PGM3: variants seen among roughly 807,000 people sequenced by gnomAD.
PGM3 encodes the protein phosphoglucomutase 3.
In PGM3, 40 loss-of-function variants were observed where a neutral mutation model predicts 66.2. The observed-to-expected ratio is 0.60, with a 90% CI of 0.47 to 0.79. The LOEUF (loss-of-function observed/expected upper bound fraction) is 0.79. Among genes scored for constraint, PGM3 ranks in the 30% least tolerant of loss-of-function variants. The pLI is 0.00. For synonymous variants in PGM3, 191 were observed against 224.2 expected (o/e 0.85, Z 1.32); for missense variants, 537 against 643.4 (o/e 0.83, Z 1.79).
chr6:83,155,983 A>T, the PGM3 span: 13 of 1,613,942 alleles, frequency 8.1e-6, no homozygotes, highest in Non-Finnish European at 1.1e-5. Context: ...CAGTTCACTT[A>T]ATCTCTTTGC....
chr6:83,157,104 A>C (rs1034459087), downstream of PGM3: 2 of 1,388,056 alleles, frequency 1.4e-6, no homozygotes. Context: ...ATAGTTTGAG[A>C]GTACTGGACC....
chr6:83,164,562 G>A (rs1414760333), downstream of PGM3: 8 of 1,117,000 alleles, frequency 7.2e-6, no homozygotes, highest in Non-Finnish European at 1.1e-5. Context: ...TTGATTGAAA[G>A]GCATCTTCCC....
intron 11 of PGM3, 197 bp from the exon 12 acceptor site, chr6:83,170,675 G>C: frequency 1.9e-6 from 1 of 513,992 alleles, no homozygotes; most frequent in Non-Finnish European, 3.4e-6. Context: ...AATTACCTTT[G>C]GCAAAAAATA....
At position 83,170,455 on chromosome 6, in the gene PGM3, G is replaced by A. The variant is rs1786868061; in HGVS notation, c.1389C>T (p.Ser463=). Reference sequence around the variant, plus strand: ...CTGCTTGTCTTTCAGCATCGGTAGTGCTAATAACTCTCCTGTCTGCAACCT... The same window carrying A: ...CTGCTTGTCTTTCAGCATCGGTAGTACTAATAACTCTCCTGTCTGCAACCT... ...KVQVADRRVI[S]TTDAERQAVT... Residue 463 remains serine, a synonymous_variant, in exon 12 of 13, where the codon AGC becomes AGT. Transcript: ENST00000513973. 2 of 1,613,966 alleles carry A rather than the reference G, an allele frequency of 1.2e-6. No individual in the cohort carries two copies. The highest frequency in any genetic ancestry group is 1.7e-6 in the Non-Finnish European group (2 of 1,179,892).
chr6:83,162,219 ACT>A (rs1274986459), downstream of PGM3, among the ~76,000 whole-genome samples: 1 of 151,890 alleles, frequency 6.6e-6, no homozygotes, highest in Non-Finnish European at 1.5e-5. Context: ...GCCCATTTAT[ACT>A]GTTTGAATTT....
chr6:83,175,081 T>C (rs1220675900), intron 9 of PGM3, among the ~76,000 whole-genome samples: 1 of 152,218 alleles, frequency 6.6e-6, no homozygotes, highest in East Asian at 1.9e-4. Flanking sequence ...ATTAGCATAC[T>C]ATGCTCAACT....
chr6:83,167,877 G>A lies in PGM3; in HGVS notation c.*1357C>T. 6.2e-7 allele frequency: 1 copy of A among 1,608,008 alleles called. No individual in the cohort carries two copies. Among genetic ancestry groups the A allele is most frequent in the Non-Finnish European group, 8.5e-7 (1 of 1,176,124 alleles). On this transcript the variant is annotated 3_prime_UTR_variant, in exon 13 of 13. Transcript: ENST00000513973. ...TTTTCTGCAGAAAAATCCAGAGGAA[G>A]ACAACTCAGGGAGAACATTGGGTTG...
the PGM3 span, chr6:83,155,936 C>G: frequency 1.9e-6 from 3 of 1,603,606 alleles, no homozygotes; most frequent in East Asian, 4.5e-5. Flanking sequence ...CAGTCTCTTT[C>G]ACTTGCTTTT....
intron 8 of PGM3, among the ~76,000 whole-genome samples, chr6:83,177,652 T>G (rs915277752): frequency 1.3e-5 from 2 of 152,056 alleles, no homozygotes; most frequent in Non-Finnish European, 2.9e-5. Context: ...TTTAGTTAGG[T>G]TTAGGTGGGC....
At chr6:83,189,085 A>G (rs1309176336) in intron 2 of PGM3, among the ~76,000 whole-genome samples, 1 of 152,206 alleles carries the variant, frequency 6.6e-6, no homozygotes, top group East Asian at 1.9e-4. Flanking sequence ...TTATGATCAT[A>G]CAGCTAACAA....
chr6:83,159,747 C>G, downstream of PGM3: 1 of 1,604,058 alleles, frequency 6.2e-7, no homozygotes, highest in East Asian at 2.2e-5. Flanking sequence ...CCAGGAATTC[C>G]TGTGAGTAAA....
At chr6:83,158,829 C>G (rs1783471685), downstream of PGM3, among the ~76,000 whole-genome samples, 1 of 152,056 alleles carries the variant, frequency 6.6e-6, no homozygotes, top group African/African-American at 2.4e-5. Flanking sequence ...GCCCTGGGCC[C>G]CTAGACACAA....
chr6:83,168,059 T>C lies in PGM3; in HGVS notation c.*1175A>G, dbSNP rs964304997. The C allele has an allele frequency of 4.6e-5, 74 of 1,614,014 alleles. No individual in the cohort carries two copies. Among genetic ancestry groups the C allele is most frequent in the Non-Finnish European group, 6.0e-5 (71 of 1,180,046 alleles). On this transcript the variant is annotated 3_prime_UTR_variant, in exon 13 of 13. Coordinates refer to ENST00000513973, the MANE Select transcript of PGM3 (RefSeq NM_015599.3). The stretch of plus-strand genomic sequence containing the variant: ...CTATCCTCTACTCAAATGCCTTCCC[T>C]AATAAGGACATGAAACTGGAGAACC...
Position 83,181,801 on chromosome 6 carries a change from G to C in PGM3, c.722C>G (p.Ser241Cys). Residue 241 changes from serine to cysteine, a missense_variant, in exon 6 of 13, where the codon TCC becomes TGC. Transcript: ENST00000513973. ...ACATAAATGATTGAGTTTGCCCTTG[G>C]ACCCATCATTAAACAGCTGAACTGA... ...GLSVQLFNDG[S>C]KGKLNHLCGA... The C allele has an allele frequency of 6.2e-7, 1 of 1,613,948 alleles. No individual in the cohort carries two copies. Among genetic ancestry groups the C allele is most frequent in the East Asian group, 2.2e-5 (1 of 44,864 alleles).
downstream of PGM3, among the ~76,000 whole-genome samples, chr6:83,156,543 C>A (rs138639138): frequency 6.6e-6 from 1 of 152,274 alleles, no homozygotes; most frequent in East Asian, 1.9e-4. Flanking sequence ...TCGGTAACTT[C>A]ATCAAGTGGG....
At chr6:83,173,523 C>A (rs768994137) in intron 10 of PGM3, among the ~76,000 whole-genome samples, 2 of 151,860 alleles carry the variant, frequency 1.3e-5, no homozygotes, top group Non-Finnish European at 2.9e-5. Context: ...AGATAAATCT[C>A]TGTTTCTTCA....
chr6:83,168,196 A>G lies in PGM3; in HGVS notation c.*1038T>C, dbSNP rs201151645. 9 of 1,583,080 alleles carry G rather than the reference A, an allele frequency of 5.7e-6. No individual in the cohort carries two copies. In the Admixed American group the frequency reaches 1.1e-4, roughly 19 times the overall value. ...CCATTGCTGGTTCCATTTAGCTTAC[A>G]TGTAAATGTAATTATTTAAAACACA... On this transcript the variant is annotated 3_prime_UTR_variant, in exon 13 of 13. Transcript: ENST00000513973.
intron 11 of PGM3, chr6:83,170,801 A>G (rs1189900710): frequency 7.3e-5 from 14 of 191,434 alleles, no homozygotes; most frequent in Non-Finnish European, 1.3e-4. Context: ...AAGAAGACCG[A>G]TAAGAATTTC....
the PGM3 span, chr6:83,153,742 GT>G: frequency 1.3e-5 from 15 of 1,162,874 alleles, no homozygotes; most frequent in Admixed American, 2.1e-4. Flanking sequence ...AATTATAATT[GT>G]TTAAAAAAAT....
Sources: allele counts gnomAD v4.1 joint callset (sites outside exome capture counted in the v4.1 genomes callset), GRCh38; gene constraint gnomAD v4.1.1; transcripts MANE v1.5; gene names NCBI Gene and HGNC (gene_info 2026-07-23, HGNC 2026-07-21).